The following FBXW7 variants were observed in gnomAD, a reference collection of about 807,000 sequenced individuals.
The protein encoded by FBXW7 is F-box and WD repeat domain containing 7, also known as F-box/WD repeat-containing protein 7.
A neutral mutation model predicts 86.3 loss-of-function variants in FBXW7; 11 were observed. That is an observed-to-expected ratio of 0.13 (90% confidence interval 0.08 to 0.21). The LOEUF is 0.21. FBXW7 is among the 10% of genes least tolerant of loss of function. The pLI, the probability that FBXW7 is intolerant of heterozygous loss-of-function variation, is 1.00. For synonymous variants in FBXW7, 313 were observed against 297.9 expected (o/e 1.05, Z -0.52); for missense variants, 488 against 847.4 (o/e 0.58, Z 5.27).
chr4:152,479,246 A>C (rs1320348006), intron 2 of FBXW7, among the ~76,000 whole-genome samples: 1 of 152,148 alleles, frequency 6.6e-6, no homozygotes, highest in Non-Finnish European at 1.5e-5. Flanking sequence ...TGAGTAGTGA[A>C]ACATATCTTT....
At chr4:152,468,580 G>T (rs1417523215) in intron 2 of FBXW7, among the ~76,000 whole-genome samples, 1 of 152,122 alleles carries the variant, frequency 6.6e-6, no homozygotes, top group Non-Finnish European at 1.5e-5. Context: ...TGTATTAGTG[G>T]TTGCCTAGGG....
chr4:152,408,069 G>C (rs983895527), intron 4 of FBXW7, among the ~76,000 whole-genome samples: 1 of 151,936 alleles, frequency 6.6e-6, no homozygotes, highest in Non-Finnish European at 1.5e-5. Context: ...TTAATTACTA[G>C]GAAGAATCTA....
chr4:152,372,742 T>C (rs1439015292), intron 4 of FBXW7, among the ~76,000 whole-genome samples: 2 of 152,014 alleles, frequency 1.3e-5, no homozygotes, highest in Non-Finnish European at 2.9e-5. Context: ...TAGTTTATAT[T>C]TACAAATTTA....
At chr4:152,395,621 G>A (rs1242330735) in intron 4 of FBXW7, among the ~76,000 whole-genome samples, 1 of 152,044 alleles carries the variant, frequency 6.6e-6, no homozygotes, top group Non-Finnish European at 1.5e-5. Context: ...AAAGTCCGTA[G>A]GTCACTGGCT....
intron 2 of FBXW7, among the ~76,000 whole-genome samples, chr4:152,525,764 C>T (rs1462666012): frequency 2.0e-5 from 3 of 152,088 alleles, no homozygotes; most frequent in Non-Finnish European, 4.4e-5. Context: ...AAGGAACACG[C>T]GTGTGCATGT....
chr4:152,462,832 A>G (rs1375900309), intron 2 of FBXW7, among the ~76,000 whole-genome samples: 4 of 152,132 alleles, frequency 2.6e-5, no homozygotes, highest in African/African-American at 9.7e-5. Flanking sequence ...AATTTCTCAC[A>G]TCCTTGATTT....
intron 2 of FBXW7, among the ~76,000 whole-genome samples, chr4:152,486,340 C>G (rs1367685457): frequency 1.3e-5 from 2 of 152,144 alleles, no homozygotes; most frequent in African/African-American, 2.4e-5. Context: ...CTCATATAAA[C>G]TTTTTAGTTT....
chr4:152,411,417 A>C lies in FBXW7; in HGVS notation c.387T>G (p.Asp129Glu). 6.2e-7 allele frequency: 1 copy of C among 1,613,650 alleles called. No individual in the cohort carries two copies. Among genetic ancestry groups the C allele is most frequent in the Non-Finnish European group, 8.5e-7 (1 of 1,179,868 alleles). ...TATGTTCATCTTCTCTGCTACTATC[A>C]TCAGACTGATCAAAATCGTCACTCT... ...DQESDDFDQS[D>E]DSSREDEHTH... Residue 129 changes from aspartate to glutamate, a missense_variant, in exon 4 of 14, where the codon GAT becomes GAG. By Grantham distance (45) the Asp-to-Glu change is conservative. Around this residue, in one of 4 missense-constraint regions of FBXW7, gnomAD observed 230 missense variants for 240.0 expected, o/e 0.96. Transcript: ENST00000281708.
At chr4:152,515,600 G>C (rs929407796) in intron 2 of FBXW7, among the ~76,000 whole-genome samples, 1 of 152,014 alleles carries the variant, frequency 6.6e-6, no homozygotes, top group Non-Finnish European at 1.5e-5. Flanking sequence ...AAGAAGTCAC[G>C]CTTACTTCTT....
chr4:152,445,242 TA>T (rs1222826435), intron 2 of FBXW7, among the ~76,000 whole-genome samples: 1 of 152,160 alleles, frequency 6.6e-6, no homozygotes, highest in Non-Finnish European at 1.5e-5. Context: ...TATTCAAGAC[TA>T]AAAAAATTAG....
At chr4:152,387,432 T>C (rs572964580) in intron 4 of FBXW7, among the ~76,000 whole-genome samples, 1 of 152,266 alleles carries the variant, frequency 6.6e-6, no homozygotes, top group South Asian at 2.1e-4. Context: ...TTTTTAGTCT[T>C]CCTAACATCA....
At position 152,321,719 on chromosome 4, in the gene FBXW7, T is replaced by A. The variant is rs1361428021; in HGVS notation, c.*1162A>T. 8 of 232,982 alleles carry A rather than the reference T, an allele frequency of 3.4e-5. No individual in the cohort carries two copies. The Middle Eastern group carries it at 3.7e-3, about 109-fold the overall frequency. The allele number at this position is 232,982 out of a possible 1,614,324, so 14.4% of individuals were successfully genotyped here. On this transcript the variant is annotated 3_prime_UTR_variant, in exon 14 of 14. Coordinates refer to ENST00000281708, the MANE Select transcript of FBXW7 (RefSeq NM_001349798.2). ...TTTAATTTTGTGTTTTATATATTTT[T>A]AAAATATTTTGTCAGTTTTACGATG...
intron 4 of FBXW7, among the ~76,000 whole-genome samples, chr4:152,407,644 C>T (rs1010908326): frequency 2.0e-5 from 3 of 152,166 alleles, no homozygotes; most frequent in African/African-American, 7.2e-5. Flanking sequence ...TTACCTGATT[C>T]CTCTATTGTT....
At chr4:152,335,572 G>A (rs1239450510) in intron 7 of FBXW7, among the ~76,000 whole-genome samples, 1 of 152,178 alleles carries the variant, frequency 6.6e-6, no homozygotes, top group African/African-American at 2.4e-5. Flanking sequence ...ACCCAGATTA[G>A]TATTTCTTCC....
chr4:152,420,628 T>C (rs1056255823), intron 2 of FBXW7, among the ~76,000 whole-genome samples: 5 of 152,202 alleles, frequency 3.3e-5, no homozygotes, highest in African/African-American at 9.7e-5. Flanking sequence ...ATAGATGTTA[T>C]TATGTTTATC....
At chr4:152,426,877 C>T (rs77537251) in intron 2 of FBXW7, among the ~76,000 whole-genome samples, 2,085 of 152,216 alleles carry the variant, frequency 0.014, 26 homozygotes, top group Middle Eastern at 0.037. Flanking sequence ...AAGAGAAGGG[C>T]CACAAGAAAC....
chr4:152,387,418 T>C (rs183909535), intron 4 of FBXW7, among the ~76,000 whole-genome samples: 11 of 152,132 alleles, frequency 7.2e-5, no homozygotes, highest in Non-Finnish European at 8.8e-5. Context: ...ATCTACCAAA[T>C]CAGTTTTTAG....
At chr4:152,387,270 A>T (rs1735602275) in intron 4 of FBXW7, among the ~76,000 whole-genome samples, 1 of 152,200 alleles carries the variant, frequency 6.6e-6, no homozygotes, top group Non-Finnish European at 1.5e-5. Flanking sequence ...TGTTGTAGAA[A>T]CAGAAAGTCC....
intron 2 of FBXW7, among the ~76,000 whole-genome samples, chr4:152,445,994 C>A (rs188138219): frequency 3.4e-3 from 501 of 148,160 alleles, no homozygotes; most frequent in African/African-American, 0.011. Flanking sequence ...AATCAATGAA[C>A]CTACAAACCA....
Sources: gnomAD v4.1 joint callset for allele counts (sites outside exome capture counted in the v4.1 genomes callset) on GRCh38, gnomAD v4.1.1 for gene constraint, gnomAD v4.1.1 regional missense constraint, MANE v1.5 for transcripts, NCBI Gene and HGNC (gene_info 2026-07-23, HGNC 2026-07-21) for gene names.